The following RIMS2 variants were observed in gnomAD, a reference collection of about 807,000 sequenced individuals.
The protein encoded by RIMS2 is regulating synaptic membrane exocytosis protein 2.
A neutral mutation model predicts 174.4 loss-of-function variants in RIMS2; 59 were observed. The observed-to-expected ratio is 0.34, with a 90% CI of 0.27 to 0.42. The LOEUF is 0.42. RIMS2 is among the 10% of genes least tolerant of loss of function. RIMS2 has a pLI of 1.00. For missense variants in RIMS2, 1,620 were observed against 1,666.3 expected (o/e 0.97, Z 0.48); for synonymous variants, 606 against 572.5 (o/e 1.06, Z -0.84).
chr8:103,989,288 A>C lies in RIMS2; in HGVS notation c.2928-17A>C. 2.2e-6 allele frequency: 3 copies of C among 1,391,036 alleles called. No individual in the cohort carries two copies. Among genetic ancestry groups the C allele is most frequent in the Non-Finnish European group, 3.1e-6 (3 of 978,548 alleles). 86.2% of individuals were successfully genotyped at this position (1,391,036 alleles called of 1,614,324 possible). A position where few individuals can be genotyped will look rare whatever the true frequency, so the allele number is the denominator to read the frequency against. ...CAAATGGTTTACTAAGATATTGAAT[A>C]GATCTTGTTGTTTTAGTCGGAATGT... On this transcript the variant is annotated splice_polypyrimidine_tract_variant and intron_variant, in intron 16 of 23. Transcript: ENST00000504942.
intron 19 of RIMS2, among the ~76,000 whole-genome samples, chr8:104,173,819 G>A (rs2098847664): frequency 6.7e-6 from 1 of 150,000 alleles, no homozygotes; most frequent in Admixed American, 6.6e-5. Context: ...TAGTAGAGAC[G>A]GGGTTTCACA....
intron 3 of RIMS2, among the ~76,000 whole-genome samples, chr8:103,795,664 C>G (rs1200820903): frequency 1.3e-5 from 2 of 151,998 alleles, no homozygotes; most frequent in Non-Finnish European, 2.9e-5. Context: ...GGCGAACATG[C>G]GTCCTAAAAG....
chr8:103,954,084 G>A (rs2086326430), intron 14 of RIMS2, among the ~76,000 whole-genome samples: 1 of 152,148 alleles, frequency 6.6e-6, no homozygotes, highest in African/African-American at 2.4e-5. Context: ...TCCAATACCA[G>A]AGCACCCAGA....
chr8:104,059,795 G>A (rs1169633050), intron 19 of RIMS2, among the ~76,000 whole-genome samples: 4 of 152,034 alleles, frequency 2.6e-5, no homozygotes, highest in African/African-American at 7.3e-5. Context: ...GTTGAATTTT[G>A]TCAAAGGCCT....
At chr8:104,214,209 T>C (rs1438571354) in intron 19 of RIMS2, among the ~76,000 whole-genome samples, 1 of 152,178 alleles carries the variant, frequency 6.6e-6, no homozygotes, top group Non-Finnish European at 1.5e-5. Flanking sequence ...TAATTACTTG[T>C]ATTTATTAGA....
exon 24 of RIMS2, chr8:104,251,656 G>T (rs1158192313): frequency 2.5e-6 from 4 of 1,611,128 alleles, no homozygotes; most frequent in East Asian, 2.2e-5. Flanking sequence ...TATGGGAGTG[G>T]CCCAGATACT....
intron 19 of RIMS2, among the ~76,000 whole-genome samples, chr8:104,125,095 A>G (rs897869120): frequency 6.6e-6 from 1 of 152,100 alleles, no homozygotes; most frequent in Non-Finnish European, 1.5e-5. Context: ...CAAACAGTAT[A>G]TAGAATTGTG....
At chr8:103,554,419 G>C (rs66963531) in intron 1 of RIMS2, among the ~76,000 whole-genome samples, 1 of 151,830 alleles carries the variant, frequency 6.6e-6, no homozygotes, top group Non-Finnish European at 1.5e-5. Flanking sequence ...ACATATACGC[G>C]GCCAACAAGC....
intron 12 of RIMS2, among the ~76,000 whole-genome samples, chr8:103,933,335 A>ACACACACACACACAC (rs1565391131): frequency 5.3e-5 from 7 of 130,894 alleles, no homozygotes; most frequent in African/African-American, 2.3e-4. Context: ...ACACACACAC[A>ACACACACACACACAC]ATTAGCCAGG....
At chr8:103,655,963 C>T (rs2096526601) in intron 1 of RIMS2, among the ~76,000 whole-genome samples, 1 of 152,052 alleles carries the variant, frequency 6.6e-6, no homozygotes, top group South Asian at 2.1e-4. Flanking sequence ...CTATAAGTAG[C>T]ATGAGTGAGA....
At position 103,970,027 on chromosome 8, in the gene RIMS2, G is replaced by A. The variant is rs765986491; in HGVS notation, c.2771-5323G>A. ...GGCCTCCCAAAATGCTGAGATTACA[G>A]GTGTGAGCCACTATCCCCAGCCTGT... On this transcript the variant is annotated intron_variant, in intron 15 of 23. Coordinates refer to ENST00000504942, the Ensembl canonical transcript of RIMS2. 6.6e-5 allele frequency among the ~76,000 whole-genome samples: 10 copies of A among 152,212 alleles called. 1 individual carries two copies. The highest frequency in any genetic ancestry group is 8.8e-5 in the Non-Finnish European group (6 of 68,038).
At chr8:103,523,177 A>G (rs929721161) in intron 1 of RIMS2, among the ~76,000 whole-genome samples, 1 of 151,760 alleles carries the variant, frequency 6.6e-6, no homozygotes, top group African/African-American at 2.4e-5. Flanking sequence ...GGAGAAGCAC[A>G]TGGGAGATTA....
chr8:103,540,989 A>G (rs1346440650), intron 1 of RIMS2, among the ~76,000 whole-genome samples: 1 of 152,080 alleles, frequency 6.6e-6, no homozygotes, highest in Non-Finnish European at 1.5e-5. Flanking sequence ...GAAACAAAAA[A>G]GAACAAAGAA....
intron 3 of RIMS2, among the ~76,000 whole-genome samples, chr8:103,807,170 C>T (rs2098655835): frequency 6.6e-6 from 1 of 151,984 alleles, no homozygotes; most frequent in Non-Finnish European, 1.5e-5. Context: ...ACATTCCACA[C>T]ATTTAAAGAT....
chr8:104,026,989 C>A (rs1684332913), intron 19 of RIMS2, among the ~76,000 whole-genome samples: 1 of 152,012 alleles, frequency 6.6e-6, no homozygotes. Context: ...ACCATGTGTC[C>A]AAAATTAATA....
intron 19 of RIMS2, among the ~76,000 whole-genome samples, chr8:104,214,906 G>C (rs2099123083): frequency 6.6e-6 from 1 of 152,180 alleles, no homozygotes; most frequent in Admixed American, 6.5e-5. Context: ...ACCCAATCTA[G>C]GTGATGTTTG....
At chr8:103,652,773 T>A in intron 1 of RIMS2, 63 bp downstream of exon 3, 5 of 1,010,124 alleles carry the variant, frequency 4.9e-6, no homozygotes, top group Non-Finnish European at 6.8e-6. Context: ...CTGAAAAGTA[T>A]GTGTTAAAAT....
chr8:103,608,962 C>A (rs1440639752), intron 1 of RIMS2, among the ~76,000 whole-genome samples: 1 of 152,192 alleles, frequency 6.6e-6, no homozygotes, highest in Non-Finnish European at 1.5e-5. Flanking sequence ...CTGCGTTGCT[C>A]ACGCTGGGAG....
chr8:103,984,984 C>A (rs936572001), intron 16 of RIMS2, among the ~76,000 whole-genome samples: 1 of 151,920 alleles, frequency 6.6e-6, no homozygotes, highest in African/African-American at 2.4e-5. Context: ...ATATAAAAAT[C>A]AAAACAATTT....
Sources: gnomAD v4.1 joint callset for allele counts (sites outside exome capture counted in the v4.1 genomes callset) on GRCh38, gnomAD v4.1.1 for gene constraint, MANE v1.5 for transcripts, NCBI Gene and HGNC (gene_info 2026-07-23, HGNC 2026-07-21) for gene names.